The following CD22 variants were observed in gnomAD, a reference collection of about 807,000 sequenced individuals.
CD22 encodes the protein B-cell receptor CD22.
CD22 carries 51 observed loss-of-function variants against 94.7 expected under a neutral mutation model. The ratio of observed to expected loss-of-function variants is 0.54; its 90% CI spans 0.43 to 0.68. CD22 has a LOEUF of 0.68. Among genes scored for constraint, CD22 ranks in the 30% least tolerant of loss-of-function variants. The pLI, the probability that CD22 is intolerant of heterozygous loss-of-function variation, is 0.00. For missense variants in CD22, 931 were observed against 1,060.4 expected (o/e 0.88, Z 1.69); for synonymous variants, 424 against 422.5 (o/e 1.00, Z -0.04).
intron 9 of CD22, chr19:35,344,597 C>T (rs919435060): frequency 2.5e-5 from 13 of 512,284 alleles, no homozygotes; most frequent in South Asian, 5.2e-5. Flanking sequence ...AGGCTCTGGG[C>T]GTGCCACGTC....
chr19:35,344,133 T>C (rs1381305167), intron 9 of CD22, among the ~76,000 whole-genome samples: 1 of 152,024 alleles, frequency 6.6e-6, no homozygotes, highest in Non-Finnish European at 1.5e-5. Flanking sequence ...GAGGCAGAGG[T>C]TGCAGTGAGC....
chr19:35,335,306 A>G (rs1000617427), intron 3 of CD22, among the ~76,000 whole-genome samples: 3 of 152,188 alleles, frequency 2.0e-5, no homozygotes, highest in African/African-American at 7.2e-5. Context: ...CTGTAACCCC[A>G]GCACTTTGGG....
chr19:35,341,589 G>T lies in CD22; in HGVS notation c.1754G>T (p.Trp585Leu). 1.2e-6 allele frequency: 2 copies of T among 1,612,234 alleles called. No individual in the cohort carries two copies. The highest frequency in any genetic ancestry group is 1.7e-6 in the Non-Finnish European group (2 of 1,178,510). The stretch of plus-strand genomic sequence containing the variant: ...ATAGGACAGACAGCGTCCAAGGCCT[G>T]GACACTTGAAGTGCTGTGTGAGTGA... ...NSIGQTASKAWTLEVLYAPRR... is the reference protein window; with the variant it reads ...NSIGQTASKALTLEVLYAPRR... Residue 585 changes from tryptophan (W) to leucine (L), a missense_variant, in exon 8 of 14, where the codon TGG becomes TTG. Transcript: ENST00000085219. The surrounding 1 kb of genome is among the most constrained non-coding windows in gnomAD (Gnocchi z 4.0).
chr19:35,346,910 C>T lies in CD22; in HGVS notation c.*213C>T, dbSNP rs116685981. The T allele has an allele frequency of 0.012, 6,286 of 538,728 alleles. 46 individuals carry two copies. Among genetic ancestry groups the T allele is most frequent in the Non-Finnish European group, 0.016 (4,956 of 308,728 alleles). 33.4% of individuals were successfully genotyped at this position (538,728 alleles called of 1,614,324 possible). On this transcript the variant is annotated 3_prime_UTR_variant, in exon 14 of 14. Coordinates refer to ENST00000085219, the MANE Select transcript of CD22 (RefSeq NM_001771.4). The stretch of plus-strand genomic sequence containing the variant: ...AGGGTAACCCCAAACCTCCAAAACT[C>T]CTGCCCCTGTTCTCTTCCACTCTCC...
At chr19:35,340,732 A>G in intron 6 of CD22, 149 bp from the exon 7 acceptor site, 1 of 827,886 alleles carries the variant, frequency 1.2e-6, no homozygotes, top group Non-Finnish European at 1.9e-6. Flanking sequence ...GTTCTCACAC[A>G]GATGCAGGAA....
chr19:35,332,029 A>T lies in CD22; in HGVS notation c.-12A>T. The T allele has an allele frequency of 6.2e-7, 1 of 1,613,814 alleles. No individual in the cohort carries two copies. The highest frequency in any genetic ancestry group is 8.5e-7 in the Non-Finnish European group (1 of 1,179,802). On this transcript the variant is annotated 5_prime_UTR_variant, in exon 2 of 14. Coordinates refer to ENST00000085219, the MANE Select transcript of CD22 (RefSeq NM_001771.4). ...CTCTCCCCTGCTCAGGCTTGCACCCAGACACGACACCATGCATCTCCTCGG... is the reference window on the plus strand; with the variant it reads ...CTCTCCCCTGCTCAGGCTTGCACCCTGACACGACACCATGCATCTCCTCGG...
intron 11 of CD22, 78 bp downstream of exon 11, chr19:35,345,204 G>A (rs2066884148): frequency 7.9e-7 from 1 of 1,272,332 alleles, no homozygotes; most frequent in Non-Finnish European, 1.1e-6. Flanking sequence ...GATCACCTGA[G>A]GTCAGGAGTT....
intron 6 of CD22, among the ~76,000 whole-genome samples, chr19:35,339,231 T>A (rs1434930897): frequency 1.3e-5 from 2 of 151,590 alleles, no homozygotes; most frequent in African/African-American, 4.9e-5. Flanking sequence ...GAGCAAGACC[T>A]GGGTCTCAAA....
At position 35,341,635 on chromosome 19, in the gene CD22, A is replaced by G. The variant is rs776604843; in HGVS notation, c.1771+29A>G. 2 of 1,607,472 alleles carry G rather than the reference A, an allele frequency of 1.2e-6. No homozygotes were observed. Among genetic ancestry groups the G allele is most frequent in the South Asian group, 2.2e-5 (2 of 90,874 alleles). ...AGTGAGGGCCGGAGGCTGGGAGTGG[A>G]GCAGAGAAGGGACCAGTGGCCTGCC... On this transcript the variant is annotated intron_variant, in intron 8 of 13. Coordinates refer to ENST00000085219, the MANE Select transcript of CD22 (RefSeq NM_001771.4). This position sits in a 1 kb window ranked among gnomAD's most constrained non-coding sequence, Gnocchi z 4.0.
Position 35,338,458 on chromosome 19 carries a change from T to C in CD22, c.1249+27T>C, listed in dbSNP as rs201110080. On this transcript the variant is annotated intron_variant, in intron 6 of 13. Transcript: ENST00000085219. ...TGAGTAGCCACGGAGCCTCTGGTTC[T>C]AGGGAGAGAAGATGGACACAGGGAA... The C allele has an allele frequency of 2.5e-6, 4 of 1,596,996 alleles. No homozygotes were observed. In the East Asian group the frequency reaches 9.0e-5, roughly 36 times the overall value.
In CD22 at chr19:35,338,006, T is replaced by C. The variant is rs758712864; in HGVS notation, c.970T>C (p.Phe324Leu). The C allele has an allele frequency of 1.2e-6, 2 of 1,611,444 alleles. No homozygotes were observed. The highest frequency in any genetic ancestry group is 1.7e-6 in the Non-Finnish European group (2 of 1,178,398). ...GGGCCCGGGAAGGTCGGAAGAAGTG[T>C]TCCTGCAAGTGCAGTGTGAGCCCCT... ...DVGPGRSEEV[F>L]LQVQYAPEPS... Residue 324 changes from phenylalanine (F) to leucine (L), a missense_variant, in exon 5 of 14, where the codon TTC (phenylalanine) becomes CTC (leucine). Coordinates refer to ENST00000085219, the MANE Select transcript of CD22 (RefSeq NM_001771.4).
chr19:35,345,429 A>C (rs1599694426), intron 11 of CD22, 173 bp from the exon 12 acceptor site: 333 of 528,894 alleles, frequency 6.3e-4, no homozygotes, highest in Middle Eastern at 1.0e-3. Flanking sequence ...TCAAAAAAAA[A>C]AAAAAAAAAA....
At chr19:35,332,993 C>G (rs2066666865) in intron 3 of CD22, 69 bp downstream of exon 3, 2 of 1,520,776 alleles carry the variant, frequency 1.3e-6, no homozygotes, top group Non-Finnish European at 1.8e-6. Context: ...ATACCTGACT[C>G]CTGGCACAGA....
chr19:35,343,638 T>C (rs959680996), intron 9 of CD22, among the ~76,000 whole-genome samples: 5 of 152,220 alleles, frequency 3.3e-5, no homozygotes, highest in Admixed American at 2.6e-4. Context: ...TCCCAACACT[T>C]TGAGAGGCCA....
At chr19:35,344,796 C>T (rs769229289) in intron 9 of CD22, 33 bp from the exon 10 acceptor site, 1 of 1,501,594 alleles carries the variant, frequency 6.7e-7, no homozygotes, top group Non-Finnish European at 9.1e-7. Flanking sequence ...GCTGGCCCCT[C>T]AGTTGATTAA....
chr19:35,334,606 C>T (rs968738194), intron 3 of CD22, among the ~76,000 whole-genome samples: 1 of 152,118 alleles, frequency 6.6e-6, no homozygotes, highest in Non-Finnish European at 1.5e-5. Context: ...ACTTCAGACC[C>T]CGCTGTCTGA....
chr19:35,343,271 T>TA (rs563998931), intron 9 of CD22, among the ~76,000 whole-genome samples: 10 of 151,804 alleles, frequency 6.6e-5, no homozygotes, highest in Non-Finnish European at 1.2e-4. Flanking sequence ...AAGCACCTGG[T>TA]AAAAAAATAA....
At chr19:35,345,420 CAAAAAAAAAA>C (rs61349223) in intron 11 of CD22, 172 bp from the exon 12 acceptor site, 11 of 156,866 alleles carry the variant, frequency 7.0e-5, no homozygotes, top group African/African-American at 1.5e-4. Flanking sequence ...GACTCTGCCT[CAAAAAAAAAA>C]AAAAAAAAAA....
intron 1 of CD22, chr19:35,330,521 C>G (rs909981788): frequency 2.0e-5 from 3 of 152,390 alleles, no homozygotes. Context: ...CCAGGCCAGA[C>G]CCCCTTCCTG....
Sources: allele counts gnomAD v4.1 joint callset (sites outside exome capture counted in the v4.1 genomes callset), GRCh38; gene constraint gnomAD v4.1.1; non-coding constraint Gnocchi (gnomAD v3.1); transcripts MANE v1.5; gene names NCBI Gene and HGNC (gene_info 2026-07-23, HGNC 2026-07-21).